SUPT6H: variants seen among roughly 807,000 people sequenced by gnomAD.
The protein encoded by SUPT6H is transcription elongation factor SPT6.
SUPT6H carries 11 observed loss-of-function variants against 222.3 expected under a neutral mutation model. That is an observed-to-expected ratio of 0.05 (90% CI 0.03 to 0.08). SUPT6H has a LOEUF of 0.08. SUPT6H is among the 10% of genes least tolerant of loss of function. The pLI, the probability that SUPT6H is intolerant of heterozygous loss-of-function variation, is 1.00. For missense variants in SUPT6H, 1,422 were observed against 2,216.0 expected (o/e 0.64, Z 7.19); for synonymous variants, 762 against 801.2 (o/e 0.95, Z 0.83).
chr17:28,700,237 C>T lies in SUPT6H; in HGVS notation c.4626C>T (p.Asn1542=). Residue 1542 remains asparagine (N), a synonymous_variant, in exon 34 of 37, where the codon AAC becomes AAT. Coordinates refer to ENST00000314616, the MANE Select transcript of SUPT6H (RefSeq NM_003170.5). The part of the protein sequence containing the change: ...TPASINATPA[N]INLADLTRAV... Reference sequence around the variant, plus strand: ...CCTCTATCAATGCTACCCCAGCCAACATCAACCTTGCAGGTGAGGAGCTTG... The same window carrying T: ...CCTCTATCAATGCTACCCCAGCCAATATCAACCTTGCAGGTGAGGAGCTTG... 3.1e-6 allele frequency: 5 copies of T among 1,614,242 alleles called. 1 individual carries two copies. In the South Asian group the frequency reaches 4.4e-5, roughly 14 times the overall value.
chr17:28,673,151 A>G (rs2030531241), intron 1 of SUPT6H, among the ~76,000 whole-genome samples: 1 of 135,494 alleles, frequency 7.4e-6, no homozygotes, highest in South Asian at 2.2e-4. Flanking sequence ...ACGCCACCTC[A>G]AAAAAAAAAA....
At chr17:28,678,711 C>T in intron 10 of SUPT6H, 77 bp downstream of exon 10, 1 of 1,608,262 alleles carries the variant, frequency 6.2e-7, no homozygotes. Context: ...CAAACCCAAA[C>T]CCCCCAGGCC....
In SUPT6H at chr17:28,678,590, T is replaced by A; in HGVS notation, c.1162T>A (p.Leu388Met). 2.5e-6 allele frequency: 4 copies of A among 1,614,142 alleles called. No individual in the cohort carries two copies. Among genetic ancestry groups the A allele is most frequent in the Non-Finnish European group, 3.4e-6 (4 of 1,180,000 alleles). The change falls in exon 10 of 37, where the codon TTG (leucine) becomes ATG (methionine). Residue 388 changes from leucine to methionine, a missense_variant. By Grantham distance (15) the Leu-to-Met change is conservative (BLOSUM62 2). Transcript: ENST00000314616. Reference protein sequence around the residue: ...FYRKEYVEPELHINDLWRVWQ... With the variant: ...FYRKEYVEPEMHINDLWRVWQ... ...TCGAAAGGAGTATGTGGAGCCTGAG[T>A]TGCACATCAATGACCTATGGAGAGT...
At chr17:28,682,045 AG>A in intron 13 of SUPT6H, 65 bp downstream of exon 13, 2 of 1,362,518 alleles carry the variant, frequency 1.5e-6, no homozygotes, top group Non-Finnish European at 2.0e-6. Context: ...CCCAGAAAAA[AG>A]ACTGGTAGGT....
Position 28,696,942 on chromosome 17 carries a change from A to C in SUPT6H, c.4069A>C (p.Ile1357Leu). Residue 1357 changes from isoleucine to leucine, a missense_variant, in exon 30 of 37, where the codon ATC becomes CTC. Ile to Leu is a conservative substitution (Grantham distance 5, BLOSUM62 2). Around this residue, in one of 13 missense-constraint regions of SUPT6H, gnomAD observed 395 missense variants for 580.6 expected, o/e 0.68. Transcript: ENST00000314616. ...GACCATGGACCAGGGTGATGTGATT[A>C]TCCGACCAAGCAGCAAGGGCGAGAA... Reference protein sequence around the residue: ...METMDQGDVIIRPSSKGENHL... With the variant: ...METMDQGDVILRPSSKGENHL... 1 of 1,614,056 alleles carries C rather than the reference A, an allele frequency of 6.2e-7. No homozygotes were observed. The highest frequency in any genetic ancestry group is 8.5e-7 in the Non-Finnish European group (1 of 1,180,028).
rs1415606153 is a variant in SUPT6H, at chr17:28,701,043, C to T, written c.4909C>T (p.Gln1637Ter). 1 of 1,614,134 alleles carries T rather than the reference C, an allele frequency of 6.2e-7. No homozygotes were observed. Residue 1637 changes from glutamine (Q) to a stop codon, truncating the protein, a stop_gained, in exon 36 of 37, where the codon CAG becomes TAG. Coordinates refer to ENST00000314616, the MANE Select transcript of SUPT6H (RefSeq NM_003170.5). LOFTEE classifies it high-confidence loss of function. The stretch of plus-strand genomic sequence containing the variant: ...GCCCATCACCACCCCTCAGTACCAC[C>T]AGCTCCAGGCCAGCACCACCCCACA... ...SQPITTPQYHQLQASTTPQSA... is the reference protein window; with the variant it reads ...SQPITTPQYH
chr17:28,678,947 A>G lies in SUPT6H; in HGVS notation c.1333A>G (p.Thr445Ala). Residue 445 changes from threonine (T) to alanine (A), a missense_variant, in exon 11 of 37, where the codon ACC becomes GCC. Coordinates refer to ENST00000314616, the MANE Select transcript of SUPT6H (RefSeq NM_003170.5). ...PLADGIRALD[T>A]TDMERLKDVQ... ...TGCTGATGGCATCCGGGCTCTGGAC[A>G]CCACTGACATGGAGAGGTAAAACAT... The G allele has an allele frequency of 1.9e-6, 3 of 1,614,228 alleles. No homozygotes were observed. Among genetic ancestry groups the G allele is most frequent in the Non-Finnish European group, 2.5e-6 (3 of 1,180,046 alleles).
chr17:28,678,307 C>G (rs569904075), intron 9 of SUPT6H, 115 bp downstream of exon 9: 1 of 986,286 alleles, frequency 1.0e-6, no homozygotes, highest in South Asian at 1.4e-5. Context: ...ATCCATGACT[C>G]AACAAGTGTT....
chr17:28,682,248 T>A (rs2031152614), intron 13 of SUPT6H: 2 of 404,078 alleles, frequency 4.9e-6, no homozygotes, highest in South Asian at 7.7e-5. Flanking sequence ...TTCTTCTGCC[T>A]TATAACAGCC....
chr17:28,686,567 C>G, intron 20 of SUPT6H, 87 bp from the exon 21 acceptor site: 2 of 1,541,284 alleles, frequency 1.3e-6, no homozygotes, highest in Non-Finnish European at 1.7e-6. Flanking sequence ...AAAGCCCTTT[C>G]CTCCCCTACC....
chr17:28,678,723 G>A, intron 10 of SUPT6H, 89 bp downstream of exon 10: 1 of 1,610,680 alleles, frequency 6.2e-7, no homozygotes, highest in Non-Finnish European at 8.5e-7. Context: ...CCCCAGGCCT[G>A]TCTAGTCCTC....
intron 24 of SUPT6H, 23 bp from the exon 25 acceptor site, chr17:28,689,330 GT>G: frequency 6.2e-7 from 1 of 1,612,864 alleles, no homozygotes; most frequent in Non-Finnish European, 8.5e-7. Context: ...TCTATATCCT[GT>G]TCCTTTTCTG....
At chr17:28,694,996 GTC>G (rs571848378) in intron 28 of SUPT6H, 35 of 214,518 alleles carry the variant, frequency 1.6e-4, no homozygotes, top group Non-Finnish European at 2.5e-4. Context: ...GAGTGAGACT[GTC>G]TCAAAAAAAA....
At chr17:28,698,426 C>T (rs1168661051) in intron 32 of SUPT6H, among the ~76,000 whole-genome samples, 1 of 152,252 alleles carries the variant, frequency 6.6e-6, no homozygotes, top group African/African-American at 2.4e-5. Context: ...TGTGCTCACT[C>T]CGCCCGCACT....
At chr17:28,694,069 T>A (rs535610063) in intron 28 of SUPT6H, among the ~76,000 whole-genome samples, 1 of 152,338 alleles carries the variant, frequency 6.6e-6, no homozygotes, top group Admixed American at 6.5e-5. Flanking sequence ...TCCCAGTCCT[T>A]TGGGAGAGGG....
In SUPT6H at chr17:28,676,407, A is replaced by G; in HGVS notation, c.874A>G (p.Thr292Ala). 1 of 1,614,040 alleles carries G rather than the reference A, an allele frequency of 6.2e-7. No homozygotes were observed. The highest frequency in any genetic ancestry group is 8.5e-7 in the Non-Finnish European group (1 of 1,180,016). ...LTDQDNEIRA[T>A]DLPERFQLRS... is the part of the protein sequence containing the mutation. ...AGATCAGGACAATGAAATCCGAGCC[A>G]CTGACCTGCCTGAGAGGTTCCAGGT... Residue 292 changes from threonine to alanine, a missense_variant, in exon 7 of 37, where the codon ACT (threonine) becomes GCT (alanine). Physicochemically the swap from Thr to Ala is moderately conservative, Grantham distance 58. This residue lies in a region of SUPT6H where 389 missense variants were observed against 544.6 expected (regional missense o/e 0.71). Coordinates refer to ENST00000314616, the MANE Select transcript of SUPT6H (RefSeq NM_003170.5).
At chr17:28,701,376 A>G (rs1335352007) in intron 36 of SUPT6H, 63 bp from the exon 37 acceptor site, 5 of 1,573,698 alleles carry the variant, frequency 3.2e-6, no homozygotes, top group Admixed American at 1.7e-5. Context: ...GCAAGGGTAC[A>G]GTGATTGGTG....
Position 28,687,114 on chromosome 17 carries a change from G to T in SUPT6H, c.2727G>T (p.Val909=). The change falls in exon 22 of 37, where the codon GTG becomes GTT. Residue 909 remains valine, a synonymous_variant. Coordinates refer to ENST00000314616, the MANE Select transcript of SUPT6H (RefSeq NM_003170.5). ...SEAEFRDYPP[V]LRQAVSLARR... ...CAGAGTTCCGGGATTATCCTCCAGT[G>T]CTGAGACAGGCCGTCTCCCTGGCCC... The T allele has an allele frequency of 6.2e-7, 1 of 1,613,774 alleles. No individual in the cohort carries two copies. Among genetic ancestry groups the T allele is most frequent in the Non-Finnish European group, 8.5e-7 (1 of 1,180,042 alleles).
chr17:28,676,288 G>A lies in SUPT6H; in HGVS notation c.755G>A (p.Arg252Gln), dbSNP rs768251817. ...GATGATGAGGCTGAGGGTGAAATCC[G>A]AGTGCGCCCCAAGAAGACCACCAAG... The part of the protein sequence containing the change: ...YEDDEAEGEI[R>Q]VRPKKTTKKR... Residue 252 changes from arginine (R) to glutamine (Q), a missense_variant, in exon 7 of 37, where the codon CGA (arginine) becomes CAA (glutamine). By Grantham distance (43) the Arg-to-Gln change is conservative (BLOSUM62 1). Around this residue, in one of 13 missense-constraint regions of SUPT6H, gnomAD observed 389 missense variants for 544.6 expected, o/e 0.71. Coordinates refer to ENST00000314616, the MANE Select transcript of SUPT6H (RefSeq NM_003170.5). 21 of 1,613,814 alleles carry A rather than the reference G, an allele frequency of 1.3e-5. No individual in the cohort carries two copies. The East Asian group carries it at 2.0e-4, about 15-fold the overall frequency.
Sources: allele counts gnomAD v4.1 joint callset (sites outside exome capture counted in the v4.1 genomes callset), GRCh38; gene constraint gnomAD v4.1.1; regional missense constraint gnomAD v4.1.1; transcripts MANE v1.5; gene names NCBI Gene and HGNC (gene_info 2026-07-23, HGNC 2026-07-21).